Variants in MACROD2 observed in about 807,000 individuals in gnomAD.
MACROD2 encodes ADP-ribose glycohydrolase MACROD2.
Under a neutral mutation model 70.4 loss-of-function variants are expected in MACROD2, and 36 were observed. That is an observed-to-expected ratio of 0.51 (90% CI 0.39 to 0.68). MACROD2 has a LOEUF of 0.68. MACROD2 is among the 30% of genes least tolerant of loss of function. The pLI is 0.00. For missense variants in MACROD2, 496 were observed against 538.4 expected, an observed-to-expected ratio of 0.92 and a Z score of 0.78; for synonymous variants, 172 against 178.8, an observed-to-expected ratio of 0.96 and a Z score of 0.30.
chr20:15,819,596 A>T (rs1009266421), intron 8 of MACROD2, among the ~76,000 whole-genome samples: 1 of 151,234 alleles, frequency 6.6e-6, no homozygotes, highest in Non-Finnish European at 1.5e-5. Flanking sequence ...CTTAAAATGG[A>T]AGGAGATCCT....
At chr20:14,340,991 C>G (rs1204395979) in intron 3 of MACROD2, among the ~76,000 whole-genome samples, 1 of 152,178 alleles carries the variant, frequency 6.6e-6, no homozygotes, top group Non-Finnish European at 1.5e-5. Flanking sequence ...AACATACACA[C>G]AGAAGCCTCA....
chr20:14,826,421 GGT>G (rs954891172), intron 5 of MACROD2, among the ~76,000 whole-genome samples: 8 of 151,902 alleles, frequency 5.3e-5, no homozygotes, highest in African/African-American at 1.9e-4. Context: ...CTTCTGTTTT[GGT>G]GTGTATTTTC....
At chr20:14,350,197 C>T (rs1044626108) in intron 3 of MACROD2, among the ~76,000 whole-genome samples, 1 of 152,076 alleles carries the variant, frequency 6.6e-6, no homozygotes, top group Admixed American at 6.5e-5. Flanking sequence ...CATGAGCGTG[C>T]AAATATTTCT....
At chr20:15,674,024 C>A (rs933340227) in intron 8 of MACROD2, among the ~76,000 whole-genome samples, 9 of 152,116 alleles carry the variant, frequency 5.9e-5, no homozygotes, top group African/African-American at 2.2e-4. Flanking sequence ...TCTTCTTAAA[C>A]TTGCATGTGC....
At chr20:14,448,872 A>G (rs1355095285) in intron 3 of MACROD2, among the ~76,000 whole-genome samples, 1 of 152,124 alleles carries the variant, frequency 6.6e-6, no homozygotes, top group Non-Finnish European at 1.5e-5. Context: ...TAATATTTGA[A>G]TGTATTAATT....
intron 4 of MACROD2, among the ~76,000 whole-genome samples, chr20:14,535,529 A>G (rs2085353936): frequency 7.6e-6 from 1 of 131,778 alleles, no homozygotes; most frequent in African/African-American, 2.8e-5. Context: ...AAAAAAAAAA[A>G]GAGTTATCCT....
intron 6 of MACROD2, among the ~76,000 whole-genome samples, chr20:15,372,823 G>C (rs2045511279): frequency 6.6e-6 from 1 of 152,152 alleles, no homozygotes; most frequent in African/African-American, 2.4e-5. Context: ...AGGTGAAGGT[G>C]GGAGAATTAC....
intron 3 of MACROD2, among the ~76,000 whole-genome samples, chr20:14,253,278 TA>T (rs375152158): frequency 2.4e-4 from 36 of 152,052 alleles, no homozygotes; most frequent in Non-Finnish European, 4.6e-4. Flanking sequence ...CTGTTGTTAG[TA>T]AATATAGTCT....
chr20:14,062,006 A>G (rs555239566), intron 2 of MACROD2, among the ~76,000 whole-genome samples: 2 of 152,194 alleles, frequency 1.3e-5, no homozygotes, highest in South Asian at 4.1e-4. Context: ...AACACACTTG[A>G]AACTATTTTA....
chr20:15,284,348 G>C (rs917362967), intron 6 of MACROD2, among the ~76,000 whole-genome samples: 1 of 152,032 alleles, frequency 6.6e-6, no homozygotes, highest in Non-Finnish European at 1.5e-5. Context: ...TTGTATTCCT[G>C]TATTGTCATT....
intron 6 of MACROD2, among the ~76,000 whole-genome samples, chr20:15,264,132 A>T (rs78119487): frequency 6.6e-6 from 1 of 152,192 alleles, no homozygotes; most frequent in South Asian, 2.1e-4. Flanking sequence ...AATCTGGCCA[A>T]TAAGGTTTCT....
At chr20:14,199,995 A>G (rs893800541) in intron 3 of MACROD2, among the ~76,000 whole-genome samples, 3 of 152,184 alleles carry the variant, frequency 2.0e-5, no homozygotes, top group Admixed American at 6.5e-5. Flanking sequence ...ATAAGAACCA[A>G]TGTCATGATT....
At chr20:14,122,403 G>A (rs970744987) in intron 3 of MACROD2, among the ~76,000 whole-genome samples, 6 of 152,130 alleles carry the variant, frequency 3.9e-5, no homozygotes, top group Non-Finnish European at 7.4e-5. Context: ...ACTGCACCTA[G>A]GGTAAACTAT....
intron 3 of MACROD2, among the ~76,000 whole-genome samples, chr20:14,468,637 G>T (rs2084488620): frequency 6.6e-6 from 1 of 151,896 alleles, no homozygotes; most frequent in Non-Finnish European, 1.5e-5. Context: ...TCAGCCTCCT[G>T]AGTAGCTGAG....
At chr20:14,666,792 G>A (rs1324197390) in intron 4 of MACROD2, among the ~76,000 whole-genome samples, 2 of 151,932 alleles carry the variant, frequency 1.3e-5, no homozygotes, top group South Asian at 4.2e-4. Context: ...TTTAAAAACT[G>A]TAGCTGTGGA....
At chr20:15,971,648 G>A (rs988346635) in intron 13 of MACROD2, among the ~76,000 whole-genome samples, 8 of 152,184 alleles carry the variant, frequency 5.3e-5, no homozygotes, top group African/African-American at 1.9e-4. Flanking sequence ...CCCACTGAGT[G>A]TGCAGGAATC....
intron 6 of MACROD2, among the ~76,000 whole-genome samples, chr20:15,342,093 G>A (rs1388007468): frequency 5.3e-5 from 8 of 151,966 alleles, no homozygotes; most frequent in Non-Finnish European, 1.0e-4. Flanking sequence ...TACAATTAAG[G>A]CATCAAAAGT....
chr20:14,099,671 A>G (rs544780686), intron 3 of MACROD2, among the ~76,000 whole-genome samples: 1 of 152,148 alleles, frequency 6.6e-6, no homozygotes, highest in Non-Finnish European at 1.5e-5. Context: ...TTGTAAATAG[A>G]TATCTATATA....
intron 5 of MACROD2, among the ~76,000 whole-genome samples, chr20:15,110,192 T>C (rs1843599942): frequency 6.6e-6 from 1 of 152,160 alleles, no homozygotes; most frequent in Non-Finnish European, 1.5e-5. Context: ...TCCTGTGCAG[T>C]GGTGCCCAAG....
Sources: gnomAD v4.1 joint callset for allele counts (sites outside exome capture counted in the v4.1 genomes callset) on GRCh38, gnomAD v4.1.1 for gene constraint, MANE v1.5 for transcripts, NCBI Gene and HGNC (gene_info 2026-07-23, HGNC 2026-07-21) for gene names.